The following WASF3 variants were observed in gnomAD, a reference collection of about 807,000 sequenced individuals.
WASF3 encodes the protein actin-binding protein WASF3.
Under a neutral mutation model 46.6 loss-of-function variants are expected in WASF3, and 11 were observed. The ratio of observed to expected loss-of-function variants is 0.24; its 90% CI spans 0.15 to 0.39. The LOEUF (loss-of-function observed/expected upper bound fraction) is 0.39, where lower values mean the gene tolerates loss of function less well. WASF3 is among the 10% of genes least tolerant of loss of function. WASF3 has a pLI of 1.00. For synonymous variants in WASF3, 242 were observed against 259.7 expected (o/e 0.93, Z 0.65); for missense variants, 576 against 669.8 (o/e 0.86, Z 1.55).
chr13:26,634,605 G>A (rs186783340), intron 2 of WASF3, among the ~76,000 whole-genome samples: 9 of 152,318 alleles, frequency 5.9e-5, no homozygotes, highest in Non-Finnish European at 1.3e-4. Flanking sequence ...AATTTGGCAT[G>A]TTTTTGCAGT....
At chr13:26,643,865 A>C (rs963902523) in intron 3 of WASF3, among the ~76,000 whole-genome samples, 2 of 152,220 alleles carry the variant, frequency 1.3e-5, no homozygotes, top group African/African-American at 4.8e-5. Context: ...GCCTTGTTCT[A>C]CATGGCCCTT....
intron 1 of WASF3, among the ~76,000 whole-genome samples, chr13:26,610,676 G>C (rs1880946380): frequency 6.6e-6 from 1 of 152,142 alleles, no homozygotes; most frequent in Non-Finnish European, 1.5e-5. Flanking sequence ...TTCTGCTTCT[G>C]GACAGTAGCC....
intron 1 of WASF3, among the ~76,000 whole-genome samples, chr13:26,570,102 G>A (rs1267119677): frequency 2.6e-5 from 4 of 152,050 alleles, no homozygotes; most frequent in Non-Finnish European, 4.4e-5. Flanking sequence ...CCTGGCCAAT[G>A]TGGTGAAACC....
At chr13:26,552,210 C>G in the WASF3 span, among the ~76,000 whole-genome samples, 1 of 152,120 alleles carries the variant, frequency 6.6e-6, no homozygotes, top group African/African-American at 2.4e-5. Context: ...TTTCTCTGGG[C>G]CTTATCTATA....
chr13:26,640,095 T>G (rs1317421928), intron 2 of WASF3, among the ~76,000 whole-genome samples: 3 of 151,988 alleles, frequency 2.0e-5, no homozygotes, highest in Non-Finnish European at 4.4e-5. Context: ...AAGAGGGCCC[T>G]CTTGGGTGAG....
chr13:26,625,138 A>G lies in WASF3; in HGVS notation c.-11+12080A>G, dbSNP rs75273614. Among the ~76,000 whole-genome samples the G allele has an allele frequency of 6.9e-3, 1,045 of 152,308 alleles. 9 individuals are homozygous for G. Among genetic ancestry groups the G allele is most frequent in the African/African-American group, 0.023 (967 of 41,574 alleles). On this transcript the variant is annotated intron_variant, in intron 2 of 9. Coordinates refer to ENST00000335327, the MANE Select transcript of WASF3 (RefSeq NM_006646.6). The stretch of plus-strand genomic sequence containing the variant: ...TAATTGATAATTGTCCAGAGCAAAA[A>G]CAATAGTAATGTGGGGTTTATAAGA...
chr13:26,610,156 A>T (rs984794779), intron 1 of WASF3, among the ~76,000 whole-genome samples: 1 of 151,988 alleles, frequency 6.6e-6, no homozygotes, highest in African/African-American at 2.4e-5. Flanking sequence ...ATCCCCATCC[A>T]CTTAATCTTC....
chr13:26,659,187 A>G (rs1882551915), intron 3 of WASF3, among the ~76,000 whole-genome samples: 1 of 152,206 alleles, frequency 6.6e-6, no homozygotes, highest in Non-Finnish European at 1.5e-5. Flanking sequence ...CCTCACTTAG[A>G]AGGTGACATT....
At chr13:26,564,880 A>G (rs1440004112) in intron 1 of WASF3, among the ~76,000 whole-genome samples, 4 of 132,478 alleles carry the variant, frequency 3.0e-5, no homozygotes, top group Non-Finnish European at 6.3e-5. Flanking sequence ...TTCTCAAAAT[A>G]TGTACATGAC....
chr13:26,680,537 C>A (rs982812000), intron 7 of WASF3, among the ~76,000 whole-genome samples: 1 of 152,192 alleles, frequency 6.6e-6, no homozygotes, highest in African/African-American at 2.4e-5. Flanking sequence ...GCTTTCTGCC[C>A]TTTTTGTTAA....
chr13:26,602,096 A>G (rs1880658359), intron 1 of WASF3, among the ~76,000 whole-genome samples: 2 of 152,168 alleles, frequency 1.3e-5, no homozygotes, highest in East Asian at 3.9e-4. Flanking sequence ...TTATTTTTAT[A>G]AAAGGGGAGC....
chr13:26,589,850 A>C (rs1473509402), intron 1 of WASF3, among the ~76,000 whole-genome samples: 1 of 152,128 alleles, frequency 6.6e-6, no homozygotes, highest in African/African-American at 2.4e-5. Flanking sequence ...TGTAGATTTT[A>C]ATGTTAGTGA....
chr13:26,554,043 CCTTCCTTCCTTCCTTCCT>C (rs1566032360), upstream of WASF3, among the ~76,000 whole-genome samples: 18 of 60,458 alleles, frequency 3.0e-4, 1 homozygote, highest in African/African-American at 9.3e-4. Context: ...CTCTTTCTTT[CCTTCCTTCCTTCCTTCCT>C]TCCTTCCTTC....
intron 2 of WASF3, among the ~76,000 whole-genome samples, chr13:26,624,806 A>G (rs1442858127): frequency 6.6e-6 from 1 of 152,222 alleles, no homozygotes; most frequent in Admixed American, 6.5e-5. Context: ...GTCAGAGACT[A>G]TGAAAGTCAT....
At chr13:26,621,338 T>G (rs969222897) in intron 2 of WASF3, among the ~76,000 whole-genome samples, 2 of 152,020 alleles carry the variant, frequency 1.3e-5, no homozygotes, top group African/African-American at 2.4e-5. Context: ...GTTTGGAGAG[T>G]AGGTGAATCT....
intron 3 of WASF3, among the ~76,000 whole-genome samples, chr13:26,654,022 A>G (rs1204868503): frequency 6.6e-6 from 1 of 152,174 alleles, no homozygotes; most frequent in Non-Finnish European, 1.5e-5. Flanking sequence ...TAGTGAAATG[A>G]CGTCAGTCAT....
At chr13:26,596,882 C>T (rs189390556) in intron 1 of WASF3, among the ~76,000 whole-genome samples, 38 of 152,278 alleles carry the variant, frequency 2.5e-4, no homozygotes, top group Middle Eastern at 3.4e-3. Flanking sequence ...TTAAGCTCAT[C>T]GAATGAGTTC....
At chr13:26,567,683 G>A (rs570847310) in intron 1 of WASF3, among the ~76,000 whole-genome samples, 4 of 130,690 alleles carry the variant, frequency 3.1e-5, no homozygotes, top group African/African-American at 1.2e-4. Flanking sequence ...AGGTGAGAAA[G>A]CTAATAAACG....
intron 1 of WASF3, among the ~76,000 whole-genome samples, chr13:26,610,342 G>T (rs922791424): frequency 6.6e-6 from 1 of 152,136 alleles, no homozygotes; most frequent in Non-Finnish European, 1.5e-5. Flanking sequence ...CTGTGCATCC[G>T]CCATATACAC....
Sources: allele counts gnomAD v4.1 joint callset (sites outside exome capture counted in the v4.1 genomes callset), GRCh38; gene constraint gnomAD v4.1.1; transcripts MANE v1.5; gene names NCBI Gene and HGNC (gene_info 2026-07-23, HGNC 2026-07-21).